Variants in SARS1 observed in about 807,000 individuals in gnomAD.
SARS1 encodes the protein seryl-tRNA synthetase 1.
Under a neutral mutation model 63.7 loss-of-function variants are expected in SARS1, and 25 were observed. The observed-to-expected ratio is 0.39, with a 90% CI of 0.29 to 0.55. The LOEUF is 0.55. Ranked by LOEUF, SARS1 falls within the 20% of genes least tolerant of loss-of-function variation. SARS1 has a pLI of 0.62. For missense variants in SARS1, 417 were observed against 649.7 expected (o/e 0.64, Z 3.89); for synonymous variants, 231 against 243.5 (o/e 0.95, Z 0.48).
At position 109,235,143 on chromosome 1, in the gene SARS1, T is replaced by C. The variant is rs1194424855; in HGVS notation, c.748-67T>C. ...TGCACTATTATTGATCTCTTTCTTG[T>C]GGTTTCTTATTCTAGCCAAGGTCCT... On this transcript the variant is annotated intron_variant, in intron 6 of 10. Coordinates refer to ENST00000234677, the MANE Select transcript of SARS1 (RefSeq NM_006513.4). This position sits in a 1 kb window ranked among gnomAD's most constrained non-coding sequence, Gnocchi z 4.7. 3.2e-6 allele frequency: 4 copies of C among 1,246,678 alleles called. No individual in the cohort carries two copies. Among genetic ancestry groups the C allele is most frequent in the Non-Finnish European group, 4.7e-6 (4 of 849,298 alleles). The allele number at this position is 1,246,678 out of a possible 1,614,324, so 77.2% of individuals were successfully genotyped here.
At chr1:109,219,603 C>G (rs1490641821) in intron 1 of SARS1, among the ~76,000 whole-genome samples, 2 of 151,558 alleles carry the variant, frequency 1.3e-5, no homozygotes, top group African/African-American at 4.8e-5. Flanking sequence ...ACCTCCGCCT[C>G]CCGGGCTCAC....
intron 1 of SARS1, among the ~76,000 whole-genome samples, chr1:109,222,324 G>A (rs1654967265): frequency 6.6e-6 from 1 of 152,042 alleles, no homozygotes; most frequent in African/African-American, 2.4e-5. Flanking sequence ...TTAAAACCAA[G>A]AAATTGACAT....
intron 1 of SARS1, among the ~76,000 whole-genome samples, chr1:109,218,133 C>CA (rs1420507701): frequency 3.6e-4 from 51 of 140,686 alleles, no homozygotes; most frequent in African/African-American, 1.3e-3. Flanking sequence ...GCAGAGCTTG[C>CA]AGTGAGCTGA....
Position 109,235,482 on chromosome 1 carries a change from G to A in SARS1, c.969+51G>A. ...GTGGAACTTTCTCTGTCTCCAGAAT[G>A]GTTAGATGAGAGATAGGATCTGTGT... On this transcript the variant is annotated intron_variant, in intron 7 of 10. Transcript: ENST00000234677. The surrounding 1 kb of genome is among the most constrained non-coding windows in gnomAD (Gnocchi z 4.7). The A allele has an allele frequency of 7.0e-7, 1 of 1,423,282 alleles. No homozygotes were observed. Among genetic ancestry groups the A allele is most frequent in the Non-Finnish European group, 9.8e-7 (1 of 1,025,220 alleles). The allele number at this position is 1,423,282 out of a possible 1,614,324, so 88.2% of individuals were successfully genotyped here.
At chr1:109,232,838 G>A (rs1655235626) in intron 6 of SARS1, among the ~76,000 whole-genome samples, 1 of 152,154 alleles carries the variant, frequency 6.6e-6, no homozygotes, top group Admixed American at 6.5e-5. Context: ...GTAACAGTAG[G>A]GAGAAACCTA....
intron 1 of SARS1, among the ~76,000 whole-genome samples, chr1:109,219,658 A>G (rs1348530038): frequency 2.0e-5 from 3 of 151,690 alleles, no homozygotes; most frequent in African/African-American, 4.8e-5. Context: ...GATGACAGGC[A>G]CCCACCACCA....
intron 4 of SARS1, among the ~76,000 whole-genome samples, chr1:109,229,804 G>T (rs1655170443): frequency 6.6e-6 from 1 of 152,106 alleles, no homozygotes; most frequent in Non-Finnish European, 1.5e-5. Context: ...TTCTAAATAG[G>T]GCTGCTGTCC....
chr1:109,235,422 G>C lies in SARS1; in HGVS notation c.960G>C (p.Gln320His). The C allele has an allele frequency of 6.2e-7, 1 of 1,612,236 alleles. No homozygotes were observed. Among genetic ancestry groups the C allele is most frequent in the Non-Finnish European group, 8.5e-7 (1 of 1,179,876 alleles). Residue 320 changes from glutamine (Q) to histidine (H), a missense_variant, in exon 7 of 11, where the codon CAG (glutamine) becomes CAC (histidine). Around this residue, in one of 3 missense-constraint regions of SARS1, gnomAD observed 359 missense variants for 529.6 expected, o/e 0.68. Transcript: ENST00000234677. The surrounding 1 kb of genome is among the most constrained non-coding windows in gnomAD (Gnocchi z 4.7). ...RDTRGIFRVHQFEKIEQFVYS... is the reference protein window; with the variant it reads ...RDTRGIFRVHHFEKIEQFVYS... ...CCCGTGGCATCTTCCGAGTCCATCA[G>C]TTTGAGAAGGTGAGTAGATGGGTCA...
At chr1:109,229,273 TAA>T (rs999846577) in intron 3 of SARS1, 139 bp from the exon 4 acceptor site, 2 of 805,974 alleles carry the variant, frequency 2.5e-6, no homozygotes, top group African/African-American at 3.4e-5. Context: ...TCTCAGTTCT[TAA>T]AAGTCTTCGT....
In SARS1 at chr1:109,237,671, G is replaced by A. The variant is rs1045822307; in HGVS notation, c.1388-60G>A. 1 of 1,578,474 alleles carries A rather than the reference G, an allele frequency of 6.3e-7. No homozygotes were observed. Among genetic ancestry groups the A allele is most frequent in the Admixed American group, 1.7e-5 (1 of 57,920 alleles). On this transcript the variant is annotated intron_variant, in intron 10 of 10. Coordinates refer to ENST00000234677, the MANE Select transcript of SARS1 (RefSeq NM_006513.4). The surrounding 1 kb of genome is among the most constrained non-coding windows in gnomAD (Gnocchi z 4.1). ...TTGTCTTGTTGAATTCTCCCCAGAG[G>A]TCTTAGGGCTTTGACTCACTGAGAA...
chr1:109,236,314 ATTC>A, intron 8 of SARS1, 74 bp from the exon 9 acceptor site: 1 of 1,456,274 alleles, frequency 6.9e-7, no homozygotes, highest in Non-Finnish European at 9.4e-7. Flanking sequence ...GAATTAAAGA[ATTC>A]TTCAGGCTTG....
chr1:109,224,193 A>G, intron 2 of SARS1, 145 bp downstream of exon 2: 1 of 653,282 alleles, frequency 1.5e-6, no homozygotes, highest in East Asian at 2.8e-5. Context: ...ATATTATTTT[A>G]AAAAGATAGG....
intron 2 of SARS1, among the ~76,000 whole-genome samples, chr1:109,225,981 A>G (rs1170100554): frequency 6.6e-6 from 1 of 151,962 alleles, no homozygotes; most frequent in Non-Finnish European, 1.5e-5. Context: ...TGATAGTTTC[A>G]GATTTTTCCA....
intron 2 of SARS1, among the ~76,000 whole-genome samples, chr1:109,226,370 G>A (rs79201756): frequency 8.2e-6 from 1 of 121,400 alleles, no homozygotes. Context: ...TTTTTTTTTT[G>A]ACACAGTGTC....
chr1:109,215,605 TTCA>T, intron 1 of SARS1: 22 of 982,820 alleles, frequency 2.2e-5, no homozygotes, highest in Non-Finnish European at 2.5e-5. Context: ...ATTTTCTGTC[TTCA>T]GGGCACTTTA....
intron 1 of SARS1, among the ~76,000 whole-genome samples, chr1:109,222,333 A>G (rs1171273881): frequency 1.3e-5 from 2 of 152,164 alleles, no homozygotes; most frequent in African/African-American, 4.8e-5. Flanking sequence ...AGAAATTGAC[A>G]TTGCTACAAT....
intron 1 of SARS1, among the ~76,000 whole-genome samples, chr1:109,221,280 C>T (rs1279927338): frequency 2.0e-5 from 3 of 152,068 alleles, no homozygotes; most frequent in Non-Finnish European, 4.4e-5. Context: ...AGGATGGTCT[C>T]GATCTCTTGA....
At chr1:109,228,507 T>C in intron 3 of SARS1, 75 bp downstream of exon 3, 2 of 979,300 alleles carry the variant, frequency 2.0e-6, no homozygotes, top group East Asian at 2.4e-5. Context: ...GCAAGTGCTC[T>C]CACTCTGCTC....
At chr1:109,224,131 C>G in intron 2 of SARS1, 83 bp downstream of exon 2, 1 of 1,018,098 alleles carries the variant, frequency 9.8e-7, no homozygotes, top group Non-Finnish European at 1.6e-6. Context: ...CACAGAAGTT[C>G]TAACTCAGTG....
Sources: allele counts gnomAD v4.1 joint callset (sites outside exome capture counted in the v4.1 genomes callset), GRCh38; gene constraint gnomAD v4.1.1; regional missense constraint gnomAD v4.1.1; non-coding constraint Gnocchi (gnomAD v3.1); transcripts MANE v1.5; gene names NCBI Gene and HGNC (gene_info 2026-07-23, HGNC 2026-07-21).